ADAMTS2: variants seen among roughly 807,000 people sequenced by gnomAD.
ADAMTS2 encodes the protein A disintegrin and metalloproteinase with thrombospondin motifs 2.
A neutral mutation model predicts 123.0 loss-of-function variants in ADAMTS2; 50 were observed. The ratio of observed to expected loss-of-function variants is 0.41; its 90% CI spans 0.32 to 0.51. The LOEUF is 0.51. ADAMTS2 is among the 20% of genes least tolerant of loss of function. The pLI is 0.35. For missense variants in ADAMTS2, 1,494 were observed against 1,705.2 expected (o/e 0.88, Z 2.18); for synonymous variants, 678 against 695.4 (o/e 0.98, Z 0.39).
chr5:179,128,213 A>AGTCT lies in ADAMTS2; in HGVS notation c.2458-99_2458-96dup. The AGTCT allele has an allele frequency of 2.0e-6, 3 of 1,482,200 alleles. No individual in the cohort carries two copies. Among genetic ancestry groups the AGTCT allele is most frequent in the African/African-American group, 2.8e-5 (2 of 72,628 alleles). 91.8% of individuals were successfully genotyped at this position (1,482,200 alleles called of 1,614,324 possible). Reference sequence around the variant, plus strand: ...CGGCAGCTGAGGCCGACTCCAGAGGAGTCTCATCATTCATGGCAGTTACAT... The same window carrying AGTCT: ...CGGCAGCTGAGGCCGACTCCAGAGGAGTCTGTCTCATCATTCATGGCAGTTACAT... On this transcript the variant is annotated intron_variant, in intron 16 of 21. Transcript: ENST00000251582. The surrounding 1 kb of genome is among the most constrained non-coding windows in gnomAD (Gnocchi z 4.9).
chr5:179,284,752 C>G (rs114871034), intron 2 of ADAMTS2, among the ~76,000 whole-genome samples: 1,540 of 152,300 alleles, frequency 0.01, 34 homozygotes, highest in African/African-American at 0.036. Context: ...CAGATTTATG[C>G]TAGGCTAAAA....
chr5:179,212,917 G>A lies in ADAMTS2; in HGVS notation c.689-5202C>T, dbSNP rs191063569. ...TTTCTGGGCTGGCCTCTTCACCTGCGATGCCCTTTTTGCTGCTGCCGCTGT... is the reference window on the plus strand; with the variant it reads ...TTTCTGGGCTGGCCTCTTCACCTGCAATGCCCTTTTTGCTGCTGCCGCTGT... On this transcript the variant is annotated intron_variant, in intron 3 of 21. Transcript: ENST00000251582. Among the ~76,000 whole-genome samples the A allele has an allele frequency of 5.9e-5, 9 of 152,206 alleles. No individual in the cohort carries two copies. The East Asian group carries it at 1.5e-3, about 26-fold the overall frequency.
At chr5:179,251,745 C>T (rs1046638188) in intron 3 of ADAMTS2, among the ~76,000 whole-genome samples, 13 of 152,190 alleles carry the variant, frequency 8.5e-5, no homozygotes, top group Middle Eastern at 3.4e-3. Flanking sequence ...AAATGGCCAT[C>T]GAGGAGAAGC....
intron 10 of ADAMTS2, among the ~76,000 whole-genome samples, chr5:179,141,715 G>A (rs550612620): frequency 1.2e-4 from 19 of 152,224 alleles, no homozygotes; most frequent in African/African-American, 2.9e-4. Flanking sequence ...CCAAGCTCCC[G>A]GTCTGAGGCT....
chr5:179,301,785 C>T (rs1044815360), intron 2 of ADAMTS2, among the ~76,000 whole-genome samples: 2 of 152,290 alleles, frequency 1.3e-5, no homozygotes, highest in Admixed American at 1.3e-4. Context: ...GGCAGGACCC[C>T]TGCACCATGT....
chr5:179,116,877 G>A (rs1315785012), intron 21 of ADAMTS2, among the ~76,000 whole-genome samples: 1 of 152,158 alleles, frequency 6.6e-6, no homozygotes, highest in Admixed American at 6.5e-5. Flanking sequence ...CGGCCATCAG[G>A]AGAAGTGGGG....
chr5:179,123,824 T>A (rs963990615), intron 19 of ADAMTS2, among the ~76,000 whole-genome samples: 1 of 152,238 alleles, frequency 6.6e-6, no homozygotes, highest in African/African-American at 2.4e-5. Context: ...GCCTGAGGCC[T>A]TGAGTCACCA....
At chr5:179,284,519 T>G (rs1343278576) in intron 2 of ADAMTS2, among the ~76,000 whole-genome samples, 1 of 151,988 alleles carries the variant, frequency 6.6e-6, no homozygotes, top group Non-Finnish European at 1.5e-5. Context: ...CCCAAGTAGC[T>G]GGGATTACAG....
intron 2 of ADAMTS2, among the ~76,000 whole-genome samples, chr5:179,311,346 G>T (rs115313859): frequency 6.6e-6 from 1 of 152,296 alleles, no homozygotes; most frequent in East Asian, 1.9e-4. Context: ...ATGGGCAGGC[G>T]CCGCCTGGCT....
At chr5:179,159,852 T>G (rs1763562047) in intron 5 of ADAMTS2, among the ~76,000 whole-genome samples, 1 of 152,172 alleles carries the variant, frequency 6.6e-6, no homozygotes, top group South Asian at 2.1e-4. Flanking sequence ...AACTTCCTCC[T>G]TAAATAAGAC....
rs1014144248 is a variant in ADAMTS2, at chr5:179,162,281, C to A, written c.976-3402G>T. 1.3e-5 allele frequency among the ~76,000 whole-genome samples: 2 copies of A among 152,106 alleles called. No homozygotes were observed. Among genetic ancestry groups the A allele is most frequent in the Admixed American group, 1.3e-4 (2 of 15,286 alleles). On this transcript the variant is annotated intron_variant, in intron 5 of 21. Coordinates refer to ENST00000251582, the MANE Select transcript of ADAMTS2 (RefSeq NM_014244.5). The surrounding 1 kb of genome is among the most constrained non-coding windows in gnomAD (Gnocchi z 5.1). ...GGCAGGCAGGCCTGGCCAATCCCAG[C>A]ACCACGCCTTCCTGGCCACCATGAA...
chr5:179,208,630 G>C (rs1239216346), intron 3 of ADAMTS2, among the ~76,000 whole-genome samples: 2 of 152,292 alleles, frequency 1.3e-5, no homozygotes, highest in Non-Finnish European at 2.9e-5. Flanking sequence ...CCTGGACCAG[G>C]CTTCAGTTCC....
chr5:179,342,928 T>C (rs963540220), intron 2 of ADAMTS2, among the ~76,000 whole-genome samples: 1 of 152,220 alleles, frequency 6.6e-6, no homozygotes, highest in Non-Finnish European at 1.5e-5. Flanking sequence ...GTCACAGGAC[T>C]AGAGAGGCGC....
chr5:179,316,299 T>A (rs980498961), intron 2 of ADAMTS2, among the ~76,000 whole-genome samples: 13 of 152,178 alleles, frequency 8.5e-5, no homozygotes, highest in Non-Finnish European at 1.5e-4. Context: ...GACAGCTGTG[T>A]CCCTCAGAGG....
intron 3 of ADAMTS2, among the ~76,000 whole-genome samples, chr5:179,259,807 C>T (rs900424975): frequency 4.6e-5 from 7 of 152,200 alleles, no homozygotes; most frequent in African/African-American, 1.7e-4. Context: ...CTACTGGGCA[C>T]CCCCAATTTT....
At position 179,129,955 on chromosome 5, in the gene ADAMTS2, G is replaced by C. The variant is rs1762929656; in HGVS notation, c.2434C>G (p.Leu812Val). Residue 812 changes from leucine to valine, a missense_variant, in exon 16 of 22, where the codon CTC becomes GTC. Leu to Val is a conservative substitution (Grantham distance 32). Coordinates refer to ENST00000251582, the MANE Select transcript of ADAMTS2 (RefSeq NM_014244.5). This position sits in a 1 kb window ranked among gnomAD's most constrained non-coding sequence, Gnocchi z 4.1. ...GRETLQTMGP[L>V]HGTITVLVIP... The stretch of plus-strand genomic sequence containing the variant: ...ACCAGAACGGTGATGGTGCCGTGGA[G>C]GGGGCCCATGGTCTGCAGCGTCTCC... The C allele has an allele frequency of 6.2e-7, 1 of 1,613,956 alleles. No individual in the cohort carries two copies. The highest frequency in any genetic ancestry group is 2.2e-5 in the East Asian group (1 of 44,866).
rs147438064 is a variant in ADAMTS2 at position 179,153,518 on chromosome 5, G to T, written c.1488C>A (p.Phe496Leu). 1 of 1,610,536 alleles carries T rather than the reference G, an allele frequency of 6.2e-7. No individual in the cohort carries two copies. ...CCGTGCACATCATGTAGCCCAGGCC[G>T]AAGTCAAAGCGGCATTGCTCGTTCA... ...YSMNEQCRFD[F>L]GLGYMMCTAF... Residue 496 changes from phenylalanine to leucine, a missense_variant, in exon 9 of 22, where the codon TTC (phenylalanine) becomes TTA (leucine). Phe to Leu is a conservative substitution (Grantham distance 22). Around this residue, in one of 6 missense-constraint regions of ADAMTS2, gnomAD observed 953 missense variants for 1,124.7 expected, o/e 0.85. Transcript: ENST00000251582.
In ADAMTS2 at chr5:179,113,609, T is replaced by C. The variant is rs1419101625; in HGVS notation, c.*258A>G. The C allele has an allele frequency of 2.3e-5, 12 of 528,080 alleles. No individual in the cohort carries two copies. Among genetic ancestry groups the C allele is most frequent in the Non-Finnish European group, 3.4e-6 (1 of 293,620 alleles). The allele number at this position is 528,080 out of a possible 1,614,324, so 32.7% of individuals were successfully genotyped here. A position where few individuals can be genotyped will look rare whatever the true frequency, so the allele number is the denominator to read the frequency against. ...GCCCTGCCCTCACTGAGGGAGGCCA[T>C]ACAGCCTCTATATTCCTCTCCACTG... is the stretch of plus-strand genomic sequence containing the variant. On this transcript the variant is annotated 3_prime_UTR_variant, in exon 22 of 22. Coordinates refer to ENST00000251582, the MANE Select transcript of ADAMTS2 (RefSeq NM_014244.5).
intron 2 of ADAMTS2, among the ~76,000 whole-genome samples, chr5:179,299,870 G>A (rs149244185): frequency 0.017 from 2,581 of 151,898 alleles, 78 homozygotes; most frequent in African/African-American, 0.059. Flanking sequence ...TGAGGCGGGC[G>A]GATCACAAGG....
Sources: allele counts gnomAD v4.1 joint callset (sites outside exome capture counted in the v4.1 genomes callset), GRCh38; gene constraint gnomAD v4.1.1; regional missense constraint gnomAD v4.1.1; non-coding constraint Gnocchi (gnomAD v3.1); transcripts MANE v1.5; gene names NCBI Gene and HGNC (gene_info 2026-07-23, HGNC 2026-07-21).